The following RPS6KC1 variants were observed in gnomAD, a reference collection of about 807,000 sequenced individuals.
RPS6KC1 encodes inactive ribosomal protein S6 kinase delta-1.
A neutral mutation model predicts 103.8 loss-of-function variants in RPS6KC1; 54 were observed. The observed-to-expected ratio is 0.52, with a 90% CI of 0.42 to 0.65. The LOEUF is 0.65. Among genes scored for constraint, RPS6KC1 ranks in the 30% least tolerant of loss-of-function variants. The pLI is 0.00. For missense variants in RPS6KC1, 1,151 were observed against 1,253.8 expected (o/e 0.92, Z 1.24); for synonymous variants, 439 against 438.7 (o/e 1.00, Z -0.01).
At chr1:213,399,666 C>T in the RPS6KC1 span, among the ~76,000 whole-genome samples, 31 of 152,178 alleles carry the variant, frequency 2.0e-4, no homozygotes, top group South Asian at 2.7e-3. Flanking sequence ...TCTCCTCCCC[C>T]GCACCAGACC....
intron 3 of RPS6KC1, among the ~76,000 whole-genome samples, chr1:213,101,940 C>T (rs1385696182): frequency 1.3e-5 from 2 of 152,052 alleles, no homozygotes; most frequent in East Asian, 3.9e-4. Flanking sequence ...GTTTTCAAGC[C>T]AGAGAATTGG....
the RPS6KC1 span, among the ~76,000 whole-genome samples, chr1:213,292,169 G>A: frequency 6.6e-6 from 1 of 152,054 alleles, no homozygotes; most frequent in Non-Finnish European, 1.5e-5. Context: ...GTTAATGGAT[G>A]CAGCACACCA....
At chr1:213,285,646 TTGG>T in the RPS6KC1 span, among the ~76,000 whole-genome samples, 4 of 152,166 alleles carry the variant, frequency 2.6e-5, no homozygotes, top group Non-Finnish European at 5.9e-5. Context: ...TTTGGTAATC[TTGG>T]TGGTGGTGGT....
the RPS6KC1 span, among the ~76,000 whole-genome samples, chr1:213,708,950 C>T: frequency 2.6e-5 from 4 of 152,028 alleles, no homozygotes; most frequent in Non-Finnish European, 4.4e-5. Flanking sequence ...GGATTCGGTT[C>T]GCCAGTATTT....
intron 1 of RPS6KC1, among the ~76,000 whole-genome samples, chr1:213,053,708 T>C (rs61834080): frequency 0.034 from 5,191 of 152,072 alleles, 122 homozygotes; most frequent in Middle Eastern, 0.054. Flanking sequence ...TATGAAAAGG[T>C]AGACAGTTGA....
chr1:213,099,901 G>A (rs1260279341), intron 3 of RPS6KC1, among the ~76,000 whole-genome samples: 3 of 152,146 alleles, frequency 2.0e-5, no homozygotes, highest in Non-Finnish European at 4.4e-5. Context: ...CACCTGGAAT[G>A]TTTCCAGTTT....
chr1:213,382,936 C>T, the RPS6KC1 span, among the ~76,000 whole-genome samples: 86 of 152,342 alleles, frequency 5.6e-4, no homozygotes, highest in Middle Eastern at 6.8e-3. Context: ...ACTCGGCACT[C>T]TTAACCTCTG....
intron 8 of RPS6KC1, among the ~76,000 whole-genome samples, chr1:213,213,954 G>A (rs540905688): frequency 3.3e-5 from 5 of 152,332 alleles, no homozygotes; most frequent in East Asian, 3.9e-4. Context: ...CATGAGCGAC[G>A]CGGAAGACGA....
At chr1:213,611,696 T>C in the RPS6KC1 span, among the ~76,000 whole-genome samples, 477 of 152,336 alleles carry the variant, frequency 3.1e-3, 2 homozygotes, top group African/African-American at 0.011. Context: ...TGAAGCTCCT[T>C]GGCGGAGTTG....
the RPS6KC1 span, among the ~76,000 whole-genome samples, chr1:213,688,251 C>T: frequency 1.4e-3 from 218 of 152,298 alleles, 3 homozygotes; most frequent in Middle Eastern, 0.031. Flanking sequence ...TCCTTCTCCC[C>T]AAGCTCAATT....
chr1:213,322,463 C>T, the RPS6KC1 span, among the ~76,000 whole-genome samples: 2 of 152,118 alleles, frequency 1.3e-5, no homozygotes, highest in African/African-American at 4.8e-5. Context: ...TAGAAATAGA[C>T]CACAGAAGAC....
At chr1:213,817,114 A>G in the RPS6KC1 span, among the ~76,000 whole-genome samples, 1 of 152,190 alleles carries the variant, frequency 6.6e-6, no homozygotes, top group Non-Finnish European at 1.5e-5. Flanking sequence ...TGCTCCCCCA[A>G]GAGACTCAGT....
At chr1:213,285,208 CAG>C in the RPS6KC1 span, among the ~76,000 whole-genome samples, 288 of 152,264 alleles carry the variant, frequency 1.9e-3, no homozygotes, top group Non-Finnish European at 3.3e-3. Flanking sequence ...TGTCCTCACA[CAG>C]GGGAGAGCAG....
chr1:213,359,674 G>T, the RPS6KC1 span, among the ~76,000 whole-genome samples: 11 of 646 alleles, frequency 0.017, 1 homozygote, highest in South Asian at 0.25. Flanking sequence ...CAATTTGGCA[G>T]TGTTTTTGCA....
the RPS6KC1 span, among the ~76,000 whole-genome samples, chr1:213,551,800 T>C: frequency 6.6e-6 from 1 of 152,206 alleles, no homozygotes; most frequent in African/African-American, 2.4e-5. Context: ...GTATTCACCA[T>C]TGTAGCATCA....
chr1:213,059,475 G>A (rs1402640265), intron 1 of RPS6KC1, among the ~76,000 whole-genome samples: 3 of 151,878 alleles, frequency 2.0e-5, no homozygotes, highest in East Asian at 1.9e-4. Context: ...TAATTTTCAC[G>A]GTAGAGTTTT....
At chr1:213,363,703 C>CTTTCCTTCT in the RPS6KC1 span, among the ~76,000 whole-genome samples, 2 of 17,400 alleles carry the variant, frequency 1.1e-4, no homozygotes, top group African/African-American at 7.9e-4. Flanking sequence ...TCTTTCTTTC[C>CTTTCCTTCT]TTCTTTCTTT....
chr1:213,314,079 T>G, the RPS6KC1 span, among the ~76,000 whole-genome samples: 1 of 152,038 alleles, frequency 6.6e-6, no homozygotes, highest in African/African-American at 2.4e-5. Context: ...CTTCCTCGCC[T>G]CTTCCAGCTT....
At chr1:213,646,899 T>TATATA in the RPS6KC1 span, among the ~76,000 whole-genome samples, 6 of 100,542 alleles carry the variant, frequency 6.0e-5, no homozygotes, top group South Asian at 3.2e-4. Flanking sequence ...ATATATATAT[T>TATATA]TTTGTTTGTT....
Sources: allele counts gnomAD v4.1 joint callset (sites outside exome capture counted in the v4.1 genomes callset), GRCh38; gene constraint gnomAD v4.1.1; transcripts MANE v1.5; gene names NCBI Gene and HGNC (gene_info 2026-07-23, HGNC 2026-07-21).